Variants in ABCD3 observed in about 807,000 individuals in gnomAD.
The protein encoded by ABCD3 is ATP-binding cassette sub-family D member 3.
ABCD3 carries 41 observed loss-of-function variants against 105.5 expected under a neutral mutation model. The observed-to-expected ratio is 0.39, with a 90% CI of 0.30 to 0.50. ABCD3 has a LOEUF of 0.50. Ranked by LOEUF, ABCD3 falls within the 20% of genes least tolerant of loss-of-function variation. ABCD3 has a pLI of 0.84. For synonymous variants in ABCD3, 258 were observed against 269.0 expected, an observed-to-expected ratio of 0.96 and a Z score of 0.40; for missense variants, 622 against 806.3, an observed-to-expected ratio of 0.77 and a Z score of 2.77.
chr1:94,485,037 T>C (rs1260494538), intron 10 of ABCD3, among the ~76,000 whole-genome samples: 2 of 152,172 alleles, frequency 1.3e-5, no homozygotes, highest in Non-Finnish European at 2.9e-5. Flanking sequence ...ATATAATACA[T>C]GAATGAGTGG....
intron 8 of ABCD3, chr1:94,478,811 G>A (rs781542525): frequency 4.1e-4 from 197 of 479,550 alleles, no homozygotes; most frequent in Non-Finnish European, 5.3e-4. Flanking sequence ...TTAAAATAAC[G>A]ATACATTTAG....
intron 1 of ABCD3, among the ~76,000 whole-genome samples, chr1:94,454,367 A>C (rs1363408774): frequency 1.3e-5 from 2 of 152,174 alleles, no homozygotes; most frequent in Non-Finnish European, 2.9e-5. Flanking sequence ...TTTAGGGCTT[A>C]TGTTCAGTAT....
At chr1:94,456,255 ATTTTTTTTTTTTTTTTTTTTTT>A (rs71094301) in intron 1 of ABCD3, among the ~76,000 whole-genome samples, 44 of 44,962 alleles carry the variant, frequency 9.8e-4, no homozygotes, top group African/African-American at 3.6e-3. Context: ...AAATGACAGA[ATTTTTTTTTTTTTTTTTTTTTT>A]TTTTTTTTTT....
At chr1:94,421,562 A>ATGTGTGTGTGTGTG (rs3073023) in intron 1 of ABCD3, among the ~76,000 whole-genome samples, 25 of 149,028 alleles carry the variant, frequency 1.7e-4, no homozygotes, top group South Asian at 4.3e-4. Context: ...GAGCTATAAG[A>ATGTGTGTGTGTGTG]TGTGTGTGTG....
the ABCD3 span, among the ~76,000 whole-genome samples, chr1:94,402,654 T>A: frequency 6.6e-6 from 1 of 152,214 alleles, no homozygotes. Context: ...TCTACCCCCT[T>A]CACGCTCTAA....
upstream of ABCD3, among the ~76,000 whole-genome samples, chr1:94,413,997 T>G (rs915619055): frequency 6.6e-6 from 1 of 151,898 alleles, no homozygotes; most frequent in African/African-American, 2.4e-5. Flanking sequence ...GATGTTAGGG[T>G]AGGAAGGGAT....
In ABCD3 at chr1:94,477,269, T is replaced by C. The variant is rs191064032; in HGVS notation, c.628-990T>C. Among the ~76,000 whole-genome samples, 319 of 99,908 alleles carry C rather than the reference T, an allele frequency of 3.2e-3. 1 individual carries two copies. Among genetic ancestry groups the C allele is most frequent in the African/African-American group, 0.012 (311 of 26,512 alleles). 65.5% of individuals were successfully genotyped at this position (99,908 alleles called of 152,430 possible). A position where few individuals can be genotyped will look rare whatever the true frequency, so the allele number is the denominator to read the frequency against. On this transcript the variant is annotated intron_variant, in intron 7 of 22. Coordinates refer to ENST00000370214, the MANE Select transcript of ABCD3 (RefSeq NM_002858.4). ...AAAAAAAAAAAAGGAAAGGGAAAGG[T>C]AGATGTTGAAACAAGCCAGTTAACA...
At chr1:94,411,295 T>G in the ABCD3 span, among the ~76,000 whole-genome samples, 1 of 151,946 alleles carries the variant, frequency 6.6e-6, no homozygotes, top group Non-Finnish European at 1.5e-5. Context: ...AAAGAGACAA[T>G]CAACTCTATA....
chr1:94,422,443 A>G (rs1255728883), intron 1 of ABCD3, among the ~76,000 whole-genome samples: 2 of 152,170 alleles, frequency 1.3e-5, no homozygotes, highest in African/African-American at 4.8e-5. Flanking sequence ...CTCAACCCCA[A>G]TTTGTGGAAA....
chr1:94,476,223 T>G (rs151159973), intron 7 of ABCD3, among the ~76,000 whole-genome samples: 8 of 152,308 alleles, frequency 5.3e-5, no homozygotes, highest in South Asian at 2.1e-4. Flanking sequence ...TTACTGTTTT[T>G]CCCATTCTCC....
At chr1:94,418,017 G>A (rs1401800279), upstream of ABCD3, among the ~76,000 whole-genome samples, 2 of 152,226 alleles carry the variant, frequency 1.3e-5, no homozygotes, top group Non-Finnish European at 2.9e-5. Context: ...CCTTTAAGAG[G>A]GTGGTAACGG....
intron 1 of ABCD3, 24 bp downstream of exon 1, chr1:94,418,612 G>A (rs760264550): frequency 1.5e-5 from 23 of 1,569,988 alleles, no homozygotes; most frequent in South Asian, 1.4e-4. Context: ...TAGCCGTGCA[G>A]CTTTCCCGGG....
intron 9 of ABCD3, among the ~76,000 whole-genome samples, chr1:94,481,054 T>C (rs1434647006): frequency 6.6e-6 from 1 of 152,338 alleles, no homozygotes; most frequent in East Asian, 1.9e-4. Flanking sequence ...AGTGTGGACT[T>C]TGGAGCCAGC....
chr1:94,449,999 C>T (rs952054149), intron 1 of ABCD3, among the ~76,000 whole-genome samples: 4 of 152,216 alleles, frequency 2.6e-5, no homozygotes, highest in African/African-American at 9.7e-5. Context: ...GGACACTCTA[C>T]AAACTTGTCT....
intron 3 of ABCD3, among the ~76,000 whole-genome samples, chr1:94,466,667 A>G (rs1461532872): frequency 6.6e-6 from 1 of 152,222 alleles, no homozygotes; most frequent in African/African-American, 2.4e-5. Flanking sequence ...GTGACTCTTC[A>G]GGCATAACTA....
intron 10 of ABCD3, among the ~76,000 whole-genome samples, chr1:94,486,439 C>G (rs991444821): frequency 6.6e-6 from 1 of 152,162 alleles, no homozygotes; most frequent in Admixed American, 6.5e-5. Flanking sequence ...CATTGTATCT[C>G]CAGCTTGAGC....
chr1:94,487,873 A>G lies in ABCD3; in HGVS notation c.1066-19A>G, dbSNP rs768747115. 2 of 1,608,544 alleles carry G rather than the reference A, an allele frequency of 1.2e-6. No individual in the cohort carries two copies. Among genetic ancestry groups the G allele is most frequent in the Non-Finnish European group, 1.7e-6 (2 of 1,175,376 alleles). ...GTCATAGAACTATAAGTAAAAACTA[A>G]TATTTATTTCTATTTAAGGATTACT... On this transcript the variant is annotated intron_variant, in intron 12 of 22. Coordinates refer to ENST00000370214, the MANE Select transcript of ABCD3 (RefSeq NM_002858.4).
chr1:94,487,383 G>C (rs1281639553), intron 10 of ABCD3, among the ~76,000 whole-genome samples, 159 bp from the exon 11 acceptor site: 1 of 152,168 alleles, frequency 6.6e-6, no homozygotes, highest in Non-Finnish European at 1.5e-5. Flanking sequence ...ATTGTCCTCG[G>C]TGGTGTGATG....
In ABCD3 at chr1:94,505,734, A is replaced by G. The variant is rs937492863; in HGVS notation, c.1741-804A>G. Among the ~76,000 whole-genome samples the G allele has an allele frequency of 7.9e-5, 12 of 152,258 alleles. 1 individual carries two copies. In the Middle Eastern group the frequency reaches 0.017, roughly 216 times the overall value. ...GAAAAGAAGCTGAGAAAGGATCCTC[A>G]GAAGTAGGAGGAAACTTAGGTGCAT... On this transcript the variant is annotated intron_variant, in intron 20 of 22. Transcript: ENST00000370214.
Sources: gnomAD v4.1 joint callset for allele counts (sites outside exome capture counted in the v4.1 genomes callset) on GRCh38, gnomAD v4.1.1 for gene constraint, MANE v1.5 for transcripts, NCBI Gene and HGNC (gene_info 2026-07-23, HGNC 2026-07-21) for gene names.